MBP: variants seen among roughly 807,000 people sequenced by gnomAD.
MBP encodes the protein Golli-MBP.
In MBP, 16 loss-of-function variants were observed where a neutral mutation model predicts 35.8. The observed-to-expected ratio is 0.45, with a 90% confidence interval of 0.30 to 0.68. The LOEUF is 0.68. MBP is among the 30% of genes least tolerant of loss of function. The pLI is 0.08. For synonymous variants in MBP, 143 were observed against 159.6 expected (o/e 0.90, Z 0.78); for missense variants, 380 against 404.7 (o/e 0.94, Z 0.52).
intron 8 of MBP, chr18:76,984,508 G>T: frequency 4.5e-6 from 2 of 448,116 alleles, no homozygotes; most frequent in Non-Finnish European, 4.1e-6. Context: ...CAGAGTCAAG[G>T]TCAGTCGCCT....
rs1568266592 is a variant in MBP at position 76,988,420 on chromosome 18, G to GCAGAA, written c.750+70_750+74dup. The GCAGAA allele has an allele frequency of 6.2e-7, 1 of 1,614,210 alleles. No individual in the cohort carries two copies. Among genetic ancestry groups the GCAGAA allele is most frequent in the Non-Finnish European group, 8.5e-7 (1 of 1,180,030 alleles). The stretch of plus-strand genomic sequence containing the variant: ...GAGGCCAGGAAGCAACCGAAACAGA[G>GCAGAA]CAGAACACAAAAGTTGCGGGGCTGT... On this transcript the variant is annotated intron_variant, in intron 7 of 8. Coordinates refer to ENST00000355994, the MANE Select transcript of MBP (RefSeq NM_001025101.2). This position sits in a 1 kb window ranked among gnomAD's most constrained non-coding sequence, Gnocchi z 5.2.
rs73968246 is a variant in MBP, at chr18:76,979,148, G to C, written c.*1279C>G. 37 of 152,280 alleles carry C rather than the reference G, an allele frequency of 2.4e-4. No homozygotes were observed. The highest frequency in any genetic ancestry group is 1.3e-3 in the Admixed American group (20 of 15,300). 9.4% of individuals were successfully genotyped at this position (152,280 alleles called of 1,614,324 possible). ...CTGACTACTCCTCATCTCCGTCCTC[G>C]GGGAGGGTGATGCCAGCGTGGGACT... On this transcript the variant is annotated 3_prime_UTR_variant, in exon 9 of 9. Coordinates refer to ENST00000355994, the MANE Select transcript of MBP (RefSeq NM_001025101.2).
At chr18:77,032,111 A>G (rs1394451880) in intron 3 of MBP, among the ~76,000 whole-genome samples, 11 of 152,108 alleles carry the variant, frequency 7.2e-5, no homozygotes, top group Non-Finnish European at 1.6e-4. Flanking sequence ...CAGGGCCTCC[A>G]CTCTCCTGGC....
chr18:77,018,148 C>CCCATCCATCCATCTAT (rs1568294450), intron 3 of MBP, among the ~76,000 whole-genome samples: 1 of 152,014 alleles, frequency 6.6e-6, no homozygotes, highest in Non-Finnish European at 1.5e-5. Context: ...AGTCCATTTA[C>CCCATCCATCCATCTAT]CCATCCATCC....
chr18:77,059,022 C>A (rs34908275), intron 3 of MBP, among the ~76,000 whole-genome samples: 150,040 of 152,278 alleles, frequency 0.99, 73,952 homozygotes, highest in Middle Eastern at 1. Context: ...GGGAAATAGG[C>A]ATATTCAGCC....
intron 2 of MBP, among the ~76,000 whole-genome samples, chr18:77,103,091 T>G (rs548190284): frequency 1.8e-4 from 27 of 152,180 alleles, no homozygotes; most frequent in Non-Finnish European, 3.8e-4. Flanking sequence ...ATCACTTTAA[T>G]CAAGATAAAA....
intron 2 of MBP, among the ~76,000 whole-genome samples, chr18:77,071,757 C>T (rs1421158339): frequency 6.6e-6 from 1 of 152,098 alleles, no homozygotes; most frequent in Non-Finnish European, 1.5e-5. Flanking sequence ...GGTAGGAAGC[C>T]AAATTGGGTG....
chr18:76,990,211 T>G, intron 4 of MBP, 151 bp from the exon 5 acceptor site: 1 of 587,658 alleles, frequency 1.7e-6, no homozygotes. Flanking sequence ...TTGTGATAGA[T>G]GGTATCTAGA....
At chr18:77,072,624 A>G (rs185306449) in intron 2 of MBP, among the ~76,000 whole-genome samples, 19 of 152,396 alleles carry the variant, frequency 1.2e-4, no homozygotes, top group Middle Eastern at 3.4e-3. Context: ...AATGCAGATC[A>G]GTAGCATCTT....
intron 7 of MBP, chr18:76,987,564 C>T: frequency 2.0e-6 from 2 of 985,194 alleles, no homozygotes; most frequent in Non-Finnish European, 2.4e-6. Flanking sequence ...CCTGTTCTTT[C>T]TCCTTGTTGT....
intron 3 of MBP, among the ~76,000 whole-genome samples, chr18:77,022,674 A>G (rs1972039768): frequency 6.6e-6 from 1 of 152,274 alleles, no homozygotes; most frequent in South Asian, 2.1e-4. Flanking sequence ...GCTATATTGT[A>G]CATAATTAAA....
At chr18:77,037,266 A>C (rs1972815338) in intron 3 of MBP, among the ~76,000 whole-genome samples, 1 of 143,350 alleles carries the variant, frequency 7.0e-6, no homozygotes, top group Non-Finnish European at 1.5e-5. Context: ...CATTTTGGAG[A>C]CTGAGCTGAG....
chr18:77,064,250 A>G (rs956758186), intron 3 of MBP, among the ~76,000 whole-genome samples: 5 of 152,216 alleles, frequency 3.3e-5, no homozygotes, highest in African/African-American at 4.8e-5. Context: ...TAGATTGTCT[A>G]TTCTACGAAA....
chr18:77,119,608 G>A (rs1208675823), intron 1 of MBP, among the ~76,000 whole-genome samples: 4 of 152,136 alleles, frequency 2.6e-5, no homozygotes, highest in African/African-American at 7.2e-5. Context: ...CTCAAGCCGC[G>A]CCCACACAGC....
At chr18:77,002,163 C>T (rs112711678) in intron 4 of MBP, among the ~76,000 whole-genome samples, 58 of 152,298 alleles carry the variant, frequency 3.8e-4, no homozygotes, top group African/African-American at 1.3e-3. Context: ...GACCTCTGGC[C>T]TCTCGTAAAC....
At chr18:77,005,659 G>T (rs509620) in intron 4 of MBP, 115,838 of 152,236 alleles carry the variant, frequency 0.76, 44,294 homozygotes, top group Admixed American at 0.79. Flanking sequence ...TTCACCGCTC[G>T]GATTTTCATT....
At chr18:77,052,859 T>G (rs1484566426) in intron 3 of MBP, among the ~76,000 whole-genome samples, 1 of 151,910 alleles carries the variant, frequency 6.6e-6, no homozygotes, top group African/African-American at 2.4e-5. Context: ...CCTCACGCCA[T>G]GTATACCCCC....
At chr18:77,054,718 G>A (rs1973654393) in intron 3 of MBP, among the ~76,000 whole-genome samples, 1 of 152,188 alleles carries the variant, frequency 6.6e-6, no homozygotes, top group Non-Finnish European at 1.5e-5. Flanking sequence ...GAGAGCTCAA[G>A]TTCCAATCCC....
At chr18:77,014,476 T>G (rs1396575994) in intron 4 of MBP, 1 of 985,376 alleles carries the variant, frequency 1.0e-6, no homozygotes, top group Non-Finnish European at 1.2e-6. Context: ...GGCCCGGGCC[T>G]TCCACTGCTC....
Sources: gnomAD v4.1 joint callset for allele counts (sites outside exome capture counted in the v4.1 genomes callset) on GRCh38, gnomAD v4.1.1 for gene constraint, Gnocchi (gnomAD v3.1) non-coding constraint, MANE v1.5 for transcripts, NCBI Gene and HGNC (gene_info 2026-07-23, HGNC 2026-07-21) for gene names.